MAGI1: variants seen among roughly 807,000 people sequenced by gnomAD.
The protein encoded by MAGI1 is membrane-associated guanylate kinase, WW and PDZ domain-containing protein 1.
In MAGI1, 58 loss-of-function variants were observed where a neutral mutation model predicts 139.9. That is an observed-to-expected ratio of 0.41 (90% CI 0.34 to 0.52). The LOEUF is 0.52. Among genes scored for constraint, MAGI1 ranks in the 20% least tolerant of loss-of-function variants. MAGI1 has a pLI of 0.12. For synonymous variants in MAGI1, 812 were observed against 737.9 expected, an observed-to-expected ratio of 1.10 and a Z score of -1.63; for missense variants, 1,874 against 1,901.6, an observed-to-expected ratio of 0.99 and a Z score of 0.27.
rs10527666 is a variant in MAGI1, at chr3:65,795,696, T to TACACACAC, written c.314-173616_314-173609dup. On this transcript the variant is annotated intron_variant, in intron 1 of 22. Transcript: ENST00000402939. Reference sequence around the variant, plus strand: ...GAAACAGAACCATAAGATGATAAGATACACACACACACACACACACACACA... The same window carrying TACACACAC: ...GAAACAGAACCATAAGATGATAAGATACACACACACACACACACACACACACACACACA... Among the ~76,000 whole-genome samples the TACACACAC allele has an allele frequency of 8.7e-4, 121 of 139,012 alleles. 2 individuals are homozygous for TACACACAC. The highest frequency in any genetic ancestry group is 3.5e-3 in the Middle Eastern group (1 of 286). 91.2% of individuals were successfully genotyped at this position (139,012 alleles called of 152,430 possible).
intron 1 of MAGI1, among the ~76,000 whole-genome samples, chr3:65,941,559 A>G (rs1244932517): frequency 1.3e-5 from 2 of 152,084 alleles, no homozygotes; most frequent in African/African-American, 4.8e-5. Context: ...TTTGACAACC[A>G]AAAATAAGTC....
At chr3:65,995,798 T>C (rs2066415300) in intron 1 of MAGI1, among the ~76,000 whole-genome samples, 1 of 152,198 alleles carries the variant, frequency 6.6e-6, no homozygotes, top group Non-Finnish European at 1.5e-5. Context: ...GTCTGTTCTC[T>C]GGGAATCCTG....
At chr3:65,538,501 A>C (rs922126254) in intron 2 of MAGI1, among the ~76,000 whole-genome samples, 2 of 152,220 alleles carry the variant, frequency 1.3e-5, no homozygotes, top group African/African-American at 2.4e-5. Context: ...TGCAGAAATC[A>C]ATTCCCTACA....
intron 1 of MAGI1, among the ~76,000 whole-genome samples, chr3:65,823,602 T>C (rs138234351): frequency 6.6e-6 from 1 of 152,354 alleles, no homozygotes; most frequent in African/African-American, 2.4e-5. Flanking sequence ...TTATTCTCTT[T>C]CTCACTGTCA....
intron 1 of MAGI1, among the ~76,000 whole-genome samples, chr3:65,950,078 C>CAAAAAAAAAAAAA (rs751496271): frequency 2.5e-5 from 1 of 40,340 alleles, no homozygotes; most frequent in Admixed American, 3.1e-4. Context: ...AAAAAAAAAA[C>CAAAAAAAAAAAAA]AAAAAAAAAA....
At chr3:65,393,120 T>C (rs888799845) in intron 13 of MAGI1, among the ~76,000 whole-genome samples, 13 of 152,314 alleles carry the variant, frequency 8.5e-5, no homozygotes, top group Admixed American at 2.0e-4. Flanking sequence ...CATTCCAGAG[T>C]TGATAGAACC....
At chr3:65,897,248 C>T (rs2061008667) in intron 1 of MAGI1, among the ~76,000 whole-genome samples, 1 of 152,122 alleles carries the variant, frequency 6.6e-6, no homozygotes, top group African/African-American at 2.4e-5. Context: ...ATGTACCACA[C>T]TCTTTTGCAT....
At chr3:65,893,023 C>G (rs562960133) in intron 1 of MAGI1, among the ~76,000 whole-genome samples, 1 of 152,268 alleles carries the variant, frequency 6.6e-6, no homozygotes, top group South Asian at 2.1e-4. Context: ...AGGACACTAA[C>G]AACCTCAATT....
intron 1 of MAGI1, among the ~76,000 whole-genome samples, chr3:65,653,694 G>A (rs9859220): frequency 0.012 from 1,805 of 152,216 alleles, 32 homozygotes; most frequent in African/African-American, 0.041. Context: ...CATTTCTATT[G>A]TACCCTTCCT....
intron 1 of MAGI1, among the ~76,000 whole-genome samples, chr3:65,888,667 A>G (rs1020451696): frequency 2.6e-5 from 4 of 152,094 alleles, no homozygotes; most frequent in Non-Finnish European, 4.4e-5. Flanking sequence ...AATCTTTAAG[A>G]TTTTTTTTAA....
intron 1 of MAGI1, among the ~76,000 whole-genome samples, chr3:65,897,699 A>T (rs571633203): frequency 2.0e-5 from 3 of 151,566 alleles, no homozygotes; most frequent in Admixed American, 6.6e-5. Context: ...TCTCCACAAA[A>T]TTTTTTTTTA....
At chr3:65,731,598 T>G (rs1025827917) in intron 1 of MAGI1, among the ~76,000 whole-genome samples, 11 of 149,776 alleles carry the variant, frequency 7.3e-5, no homozygotes, top group Non-Finnish European at 1.5e-5. Context: ...GAGGCTGCAG[T>G]GAGCTGTGAT....
chr3:65,634,410 T>A (rs2084484248), intron 1 of MAGI1, among the ~76,000 whole-genome samples: 1 of 152,236 alleles, frequency 6.6e-6, no homozygotes, highest in African/African-American at 2.4e-5. Context: ...GTTGATATGA[T>A]CAGTGTCCCC....
chr3:65,542,799 T>C (rs766721857), intron 2 of MAGI1, among the ~76,000 whole-genome samples: 4 of 152,050 alleles, frequency 2.6e-5, no homozygotes, highest in Non-Finnish European at 5.9e-5. Context: ...CATAAAACCA[T>C]AGAAGAAAAC....
chr3:65,372,380 A>C (rs1446056942), intron 18 of MAGI1, among the ~76,000 whole-genome samples: 1 of 152,306 alleles, frequency 6.6e-6, no homozygotes, highest in South Asian at 2.1e-4. Context: ...AAAATACTCA[A>C]TAAACCACAG....
intron 2 of MAGI1, among the ~76,000 whole-genome samples, chr3:65,547,063 A>C (rs922701636): frequency 2.0e-5 from 3 of 152,238 alleles, no homozygotes; most frequent in Non-Finnish European, 4.4e-5. Flanking sequence ...CCACTGTTAC[A>C]TCAATCCATC....
At chr3:65,528,178 T>C (rs1242022324) in intron 2 of MAGI1, among the ~76,000 whole-genome samples, 2 of 152,196 alleles carry the variant, frequency 1.3e-5, no homozygotes, top group African/African-American at 2.4e-5. Flanking sequence ...TTCTGAAATT[T>C]AGACTGAAAA....
At chr3:65,756,254 C>T (rs576506675) in intron 1 of MAGI1, among the ~76,000 whole-genome samples, 17 of 152,028 alleles carry the variant, frequency 1.1e-4, no homozygotes, top group Admixed American at 5.2e-4. Context: ...CTAAAGATGG[C>T]CAGTGGGGAA....
Position 65,807,867 on chromosome 3 carries a change from G to A in MAGI1, c.314-185779C>T, listed in dbSNP as rs540317580. 4.4e-4 allele frequency among the ~76,000 whole-genome samples: 67 copies of A among 152,296 alleles called. 2 individuals carry two copies. The South Asian group carries it at 0.013, about 31-fold the overall frequency. On this transcript the variant is annotated intron_variant, in intron 1 of 22. Transcript: ENST00000402939. ...CGGATGAGAAAACTGAGTACAGAGC[G>A]ATTGAGTAAATTATCCAAGATCACA...
Sources: gnomAD v4.1 joint callset for allele counts (sites outside exome capture counted in the v4.1 genomes callset) on GRCh38, gnomAD v4.1.1 for gene constraint, MANE v1.5 for transcripts, NCBI Gene and HGNC (gene_info 2026-07-23, HGNC 2026-07-21) for gene names.